The following DTHD1 variants were observed in gnomAD, a reference collection of about 807,000 sequenced individuals.
DTHD1 encodes death domain-containing protein 1.
A neutral mutation model predicts 74.8 loss-of-function variants in DTHD1; 59 were observed. That is an observed-to-expected ratio of 0.79 (90% confidence interval 0.64 to 0.98). The LOEUF (loss-of-function observed/expected upper bound fraction) is 0.98, where lower values mean the gene tolerates loss of function less well. Among genes scored for constraint, DTHD1 ranks in the 50% least tolerant of loss-of-function variants. DTHD1 has a pLI of 0.00. For synonymous variants in DTHD1, 365 were observed against 371.1 expected (o/e 0.98, Z 0.19); for missense variants, 1,051 against 1,065.4 (o/e 0.99, Z 0.19).
At position 36,293,520 on chromosome 4, in the gene DTHD1, A is replaced by G. The variant is rs1470549362; in HGVS notation, c.1219-6A>G. The G allele has an allele frequency of 1.3e-6, 2 of 1,531,318 alleles. No homozygotes were observed. Among genetic ancestry groups the G allele is most frequent in the Non-Finnish European group, 1.8e-6 (2 of 1,134,382 alleles). The allele number at this position is 1,531,318 out of a possible 1,614,324, so 94.9% of individuals were successfully genotyped here. ...AGCTTATTTTAATGTTCTTTATTCT[A>G]TACAGGGGACCTGTGCTTCAGTAAA... is the stretch of plus-strand genomic sequence containing the variant. On this transcript the variant is annotated splice_polypyrimidine_tract_variant and splice_region_variant and intron_variant, in intron 3 of 9. Transcript: ENST00000639862.
chr4:36,287,657 G>GTTTT (rs1258504531), intron 2 of DTHD1, among the ~76,000 whole-genome samples: 1 of 152,048 alleles, frequency 6.6e-6, no homozygotes, highest in Non-Finnish European at 1.5e-5. Context: ...TTGTTTGTTT[G>GTTTT]TTTTTTGATT....
intron 3 of DTHD1, 47 bp from the exon 4 acceptor site, chr4:36,293,479 T>C: frequency 1.5e-6 from 2 of 1,373,096 alleles, no homozygotes; most frequent in African/African-American, 2.9e-5. Flanking sequence ...GCAAATATTT[T>C]TCAAATCAGT....
At chr4:36,326,854 G>T (rs1284182167) in intron 8 of DTHD1, among the ~76,000 whole-genome samples, 1 of 152,148 alleles carries the variant, frequency 6.6e-6, no homozygotes, top group Non-Finnish European at 1.5e-5. Context: ...GACATTTTGT[G>T]TGTGGCTGTC....
intron 7 of DTHD1, 104 bp from the exon 8 acceptor site, chr4:36,316,138 T>C (rs1757708898): frequency 1.9e-6 from 2 of 1,068,680 alleles, no homozygotes; most frequent in Non-Finnish European, 2.6e-6. Flanking sequence ...GGTTTCACCA[T>C]GTTAGCCAGG....
chr4:36,305,285 A>G (rs932162936), intron 5 of DTHD1, among the ~76,000 whole-genome samples: 1 of 152,210 alleles, frequency 6.6e-6, no homozygotes, highest in African/African-American at 2.4e-5. Context: ...GATAATTTAT[A>G]AAGAAAAAGA....
At chr4:36,318,463 G>T (rs1287110434) in intron 8 of DTHD1, among the ~76,000 whole-genome samples, 1 of 152,138 alleles carries the variant, frequency 6.6e-6, no homozygotes, top group Non-Finnish European at 1.5e-5. Context: ...TTGCTGTTTT[G>T]GGGGAGATCC....
At chr4:36,302,686 T>G (rs565311495) in intron 5 of DTHD1, among the ~76,000 whole-genome samples, 1 of 152,338 alleles carries the variant, frequency 6.6e-6, no homozygotes, top group Non-Finnish European at 1.5e-5. Flanking sequence ...ATTATAATAT[T>G]TGACTTCAGG....
chr4:36,312,142 T>A (rs115543852), intron 7 of DTHD1, among the ~76,000 whole-genome samples: 1 of 152,194 alleles, frequency 6.6e-6, no homozygotes, highest in East Asian at 1.9e-4. Context: ...GATTATTGCA[T>A]GTTATTCAAG....
intron 7 of DTHD1, among the ~76,000 whole-genome samples, chr4:36,314,072 T>TG (rs1560804319): frequency 6.6e-6 from 1 of 150,764 alleles, no homozygotes; most frequent in Non-Finnish European, 1.5e-5. Context: ...GGAATCTGTT[T>TG]TTTTTTTTTT....
At chr4:36,292,335 GAGAA>G (rs1268133489) in intron 3 of DTHD1, among the ~76,000 whole-genome samples, 1 of 152,098 alleles carries the variant, frequency 6.6e-6, no homozygotes, top group African/African-American at 2.4e-5. Context: ...GGAAGAGAAA[GAGAA>G]AGAGAGAGCG....
intron 8 of DTHD1, among the ~76,000 whole-genome samples, chr4:36,324,651 G>A (rs192838365): frequency 1.2e-4 from 19 of 152,064 alleles, no homozygotes; most frequent in Admixed American, 5.2e-4. Flanking sequence ...ATTCTGTAAG[G>A]CCTAAAAGTG....
rs1379530079 is a variant in DTHD1, at chr4:36,308,366, T to G, written c.1968T>G (p.Asp656Glu). The change falls in exon 7 of 10, where the codon GAT (aspartate) becomes GAG (glutamate). Residue 656 changes from aspartate to glutamate, a missense_variant. Transcript: ENST00000639862. ...RIAVLVVPSKDLSQVLKDLHL... is the reference protein window; with the variant it reads ...RIAVLVVPSKELSQVLKDLHL... ...CTGTTTTAGTGGTGCCTTCCAAAGA[T>G]TTAAGCCAGGTGCTTAAGGACCTGC... 3.2e-6 allele frequency: 5 copies of G among 1,551,808 alleles called. No individual in the cohort carries two copies. Among genetic ancestry groups the G allele is most frequent in the Non-Finnish European group, 4.4e-6 (5 of 1,147,020 alleles).
At chr4:36,339,282 A>C (rs897560122) in intron 9 of DTHD1, 113 bp downstream of exon 9, 2 of 712,126 alleles carry the variant, frequency 2.8e-6, no homozygotes, top group Non-Finnish European at 4.4e-6. Flanking sequence ...CCAATCAAAC[A>C]ATCATTAACT....
Position 36,293,617 on chromosome 4 carries a change from G to T in DTHD1, c.1310G>T (p.Gly437Val), listed in dbSNP as rs1056021890. 78 of 1,549,158 alleles carry T rather than the reference G, an allele frequency of 5.0e-5. No individual in the cohort carries two copies. The highest frequency in any genetic ancestry group is 3.3e-4 in the Middle Eastern group (2 of 5,998). ...GAGTCGTTCACAGTAACAAAGAAAG[G>T]CCTCGCTCTTAAGTCAAGCATGGAT... Reference protein sequence around the residue: ...KKESFTVTKKGLALKSSMDSR... With the variant: ...KKESFTVTKKVLALKSSMDSR... Residue 437 changes from glycine (G) to valine (V), a missense_variant, in exon 4 of 10, where the codon GGC (glycine) becomes GTC (valine). Transcript: ENST00000639862.
intron 8 of DTHD1, among the ~76,000 whole-genome samples, chr4:36,321,271 C>T (rs574076127): frequency 4.9e-4 from 75 of 152,268 alleles, no homozygotes; most frequent in African/African-American, 1.7e-3. Context: ...GGTAGCAGTT[C>T]GTGGTCTGTT....
intron 5 of DTHD1, among the ~76,000 whole-genome samples, chr4:36,305,200 A>T (rs1756970554): frequency 6.6e-6 from 1 of 152,222 alleles, no homozygotes; most frequent in African/African-American, 2.4e-5. Context: ...AGAAATATTA[A>T]TTCCTTTAAT....
intron 8 of DTHD1, among the ~76,000 whole-genome samples, chr4:36,324,240 T>C (rs1758208098): frequency 6.6e-6 from 1 of 151,696 alleles, no homozygotes; most frequent in African/African-American, 2.4e-5. Flanking sequence ...TCCTGTCCCT[T>C]CTCCCCTTTC....
At chr4:36,288,144 G>A (rs937410303) in intron 2 of DTHD1, among the ~76,000 whole-genome samples, 3 of 151,904 alleles carry the variant, frequency 2.0e-5, no homozygotes, top group Non-Finnish European at 2.9e-5. Flanking sequence ...TTTCGCCCAG[G>A]CTGGAGTGCA....
At chr4:36,326,586 A>C (rs1758359664) in intron 8 of DTHD1, among the ~76,000 whole-genome samples, 1 of 152,220 alleles carries the variant, frequency 6.6e-6, no homozygotes, top group Non-Finnish European at 1.5e-5. Context: ...TGAGTTCCTC[A>C]GGGTTGAGAG....
Sources: gnomAD v4.1 joint callset for allele counts (sites outside exome capture counted in the v4.1 genomes callset) on GRCh38, gnomAD v4.1.1 for gene constraint, MANE v1.5 for transcripts, NCBI Gene and HGNC (gene_info 2026-07-23, HGNC 2026-07-21) for gene names.